MALRD1: variants seen among roughly 807,000 people sequenced by gnomAD.
MALRD1 encodes the protein MAM and LDL receptor class A domain containing 1.
Under a neutral mutation model 242.1 loss-of-function variants are expected in MALRD1, and 247 were observed. That is an observed-to-expected ratio of 1.02 (90% CI 0.92 to 1.13). MALRD1 has a LOEUF of 1.13. Among genes scored for constraint, MALRD1 ranks in the 50% most tolerant of loss-of-function variants. The pLI is 0.00. For missense variants in MALRD1, 2,989 were observed against 2,533.1 expected, an observed-to-expected ratio of 1.18 and a Z score of -3.86; for synonymous variants, 995 against 866.6, an observed-to-expected ratio of 1.15 and a Z score of -2.60.
At chr10:19,353,941 G>T (rs1229411089) in intron 26 of MALRD1, among the ~76,000 whole-genome samples, 1 of 151,762 alleles carries the variant, frequency 6.6e-6, no homozygotes, top group Non-Finnish European at 1.5e-5. Context: ...GGCCAGGCTG[G>T]TCTGAAACTC....
At chr10:19,702,659 G>A (rs897586083) in intron 38 of MALRD1, among the ~76,000 whole-genome samples, 1 of 152,086 alleles carries the variant, frequency 6.6e-6, no homozygotes, top group African/African-American at 2.4e-5. Context: ...GATATTACAA[G>A]TTAAACTTCA....
At chr10:19,469,361 CT>C (rs1564369011) in intron 29 of MALRD1, among the ~76,000 whole-genome samples, 1 of 152,148 alleles carries the variant, frequency 6.6e-6, no homozygotes, top group African/African-American at 2.4e-5. Context: ...ATCTTCTTGA[CT>C]TTTTTAGTTT....
intron 31 of MALRD1, among the ~76,000 whole-genome samples, chr10:19,528,301 C>G (rs1370714362): frequency 6.6e-6 from 1 of 152,100 alleles, no homozygotes; most frequent in South Asian, 2.1e-4. Context: ...TTATCTTACT[C>G]AAATAAAATT....
At chr10:19,113,137 A>G (rs1836738868) in intron 5 of MALRD1, among the ~76,000 whole-genome samples, 1 of 152,004 alleles carries the variant, frequency 6.6e-6, no homozygotes, top group Non-Finnish European at 1.5e-5. Context: ...CTACTCAACA[A>G]TCTACTTCCA....
At chr10:19,389,739 A>T in intron 28 of MALRD1, 130 bp downstream of exon 28, 1 of 959,252 alleles carries the variant, frequency 1.0e-6, no homozygotes, top group South Asian at 1.9e-5. Context: ...TCCTGGACTC[A>T]AGCGATCCTC....
At chr10:19,543,617 G>T (rs1835081384) in intron 32 of MALRD1, among the ~76,000 whole-genome samples, 1 of 151,768 alleles carries the variant, frequency 6.6e-6, no homozygotes, top group Admixed American at 6.6e-5. Context: ...CAAACTGCTT[G>T]TGATTGTCCC....
chr10:19,267,706 A>G (rs1389827339), intron 19 of MALRD1, among the ~76,000 whole-genome samples: 1 of 152,094 alleles, frequency 6.6e-6, no homozygotes, highest in African/African-American at 2.4e-5. Context: ...ACATGAAAGC[A>G]CTGTGTTTTG....
chr10:19,556,337 A>G (rs1589235644), intron 32 of MALRD1, among the ~76,000 whole-genome samples: 2 of 152,124 alleles, frequency 1.3e-5, no homozygotes, highest in African/African-American at 2.4e-5. Context: ...TCTGGGTTGC[A>G]CATTTCATGG....
chr10:19,713,089 G>C (rs923522936), intron 38 of MALRD1, among the ~76,000 whole-genome samples: 9 of 151,948 alleles, frequency 5.9e-5, no homozygotes, highest in African/African-American at 2.2e-4. Context: ...CCCTCCCTCT[G>C]TCTCTGTACA....
intron 2 of MALRD1, among the ~76,000 whole-genome samples, chr10:19,086,925 A>G (rs1010205701): frequency 7.2e-5 from 11 of 152,024 alleles, no homozygotes; most frequent in Non-Finnish European, 1.6e-4. Flanking sequence ...AGCTGCAGGC[A>G]TACCCCCCAA....
chr10:19,284,284 G>A (rs533488894), intron 21 of MALRD1, among the ~76,000 whole-genome samples: 3 of 150,482 alleles, frequency 2.0e-5, no homozygotes, highest in East Asian at 2.0e-4. Flanking sequence ...AAGTTTTAGG[G>A]TACATGTGCA....
At chr10:19,707,394 G>T (rs895891916) in intron 38 of MALRD1, among the ~76,000 whole-genome samples, 1 of 152,200 alleles carries the variant, frequency 6.6e-6, no homozygotes, top group Non-Finnish European at 1.5e-5. Context: ...TATGTCAGCT[G>T]GTTCCTGCTA....
At chr10:19,499,935 C>T (rs1209091028) in intron 31 of MALRD1, among the ~76,000 whole-genome samples, 1 of 152,142 alleles carries the variant, frequency 6.6e-6, no homozygotes, top group Non-Finnish European at 1.5e-5. Context: ...GTATGTCGAA[C>T]CAACCTTGCA....
At chr10:19,406,963 C>T (rs915711518) in intron 28 of MALRD1, among the ~76,000 whole-genome samples, 5 of 152,082 alleles carry the variant, frequency 3.3e-5, no homozygotes, top group Middle Eastern at 3.2e-3. Context: ...ATAGAACCCT[C>T]GTGTATACCT....
chr10:19,622,400 A>G (rs1839444617), intron 36 of MALRD1, among the ~76,000 whole-genome samples: 1 of 151,742 alleles, frequency 6.6e-6, no homozygotes, highest in Admixed American at 6.6e-5. Context: ...AAAATATTAG[A>G]AATACATTTA....
chr10:19,161,928 T>C (rs1444063915), intron 12 of MALRD1, among the ~76,000 whole-genome samples: 1 of 152,118 alleles, frequency 6.6e-6, no homozygotes, highest in African/African-American at 2.4e-5. Flanking sequence ...CTCTGGAGGC[T>C]GAGGCAGGAG....
intron 2 of MALRD1, among the ~76,000 whole-genome samples, chr10:19,074,469 T>C (rs894643936): frequency 2.0e-5 from 3 of 152,128 alleles, no homozygotes; most frequent in African/African-American, 4.8e-5. Context: ...GTGAACTATA[T>C]GAGATTTTCA....
At chr10:19,583,104 C>G (rs1348285774) in intron 33 of MALRD1, among the ~76,000 whole-genome samples, 1 of 100,532 alleles carries the variant, frequency 9.9e-6, no homozygotes, top group Non-Finnish European at 1.9e-5. Flanking sequence ...AGTTGCTTAT[C>G]AGCTTAAGGA....
intron 18 of MALRD1, among the ~76,000 whole-genome samples, chr10:19,226,021 T>A (rs559705964): frequency 6.6e-6 from 1 of 152,292 alleles, no homozygotes; most frequent in East Asian, 1.9e-4. Context: ...ACGTGGATTC[T>A]CTCAATATCA....
Sources: gnomAD v4.1 joint callset for allele counts (sites outside exome capture counted in the v4.1 genomes callset) on GRCh38, gnomAD v4.1.1 for gene constraint, MANE v1.5 for transcripts, NCBI Gene and HGNC (gene_info 2026-07-23, HGNC 2026-07-21) for gene names.